The following CHN2 variants were observed in gnomAD, a reference collection of about 807,000 sequenced individuals.
CHN2 encodes the protein chimerin 2.
Under a neutral mutation model 56.3 loss-of-function variants are expected in CHN2, and 35 were observed. That is an observed-to-expected ratio of 0.62 (90% CI 0.47 to 0.82). The LOEUF (loss-of-function observed/expected upper bound fraction) is 0.82, where lower values mean the gene tolerates loss of function less well. Ranked by LOEUF, CHN2 falls within the 40% of genes least tolerant of loss-of-function variation. CHN2 has a pLI of 0.00. For synonymous variants in CHN2, 210 were observed against 212.8 expected (o/e 0.99, Z 0.12); for missense variants, 491 against 580.5 (o/e 0.85, Z 1.58).
intron 1 of CHN2, among the ~76,000 whole-genome samples, chr7:29,331,292 G>C (rs1318929681): frequency 6.6e-6 from 1 of 152,190 alleles, no homozygotes; most frequent in African/African-American, 2.4e-5. Context: ...AGAACTAAGA[G>C]AGTCTGAAGC....
At chr7:29,184,853 G>C (rs1395261919) in intron 2 of CHN2, among the ~76,000 whole-genome samples, 1 of 152,214 alleles carries the variant, frequency 6.6e-6, no homozygotes, top group African/African-American at 2.4e-5. Context: ...CATTGTGGTT[G>C]ACTTAATTAT....
chr7:29,490,680 A>T (rs899593791), intron 7 of CHN2, among the ~76,000 whole-genome samples: 5 of 152,216 alleles, frequency 3.3e-5, no homozygotes, highest in African/African-American at 4.8e-5. Context: ...AAGTATCCAT[A>T]TATGTGTGAT....
At chr7:29,428,604 G>A (rs1489609586) in intron 6 of CHN2, among the ~76,000 whole-genome samples, 1 of 152,108 alleles carries the variant, frequency 6.6e-6, no homozygotes, top group Non-Finnish European at 1.5e-5. Flanking sequence ...GTGAAATATA[G>A]GACCAGATGT....
chr7:29,240,055 C>T (rs993840054), intron 1 of CHN2, among the ~76,000 whole-genome samples: 18 of 152,224 alleles, frequency 1.2e-4, no homozygotes, highest in African/African-American at 4.1e-4. Context: ...GGCAGCCACC[C>T]TTTTACCAAT....
chr7:29,427,087 G>A (rs967419048), intron 6 of CHN2, among the ~76,000 whole-genome samples: 6 of 152,222 alleles, frequency 3.9e-5, no homozygotes, highest in Non-Finnish European at 8.8e-5. Flanking sequence ...GGAAGCCAAG[G>A]TGGGTGGATC....
intron 2 of CHN2, among the ~76,000 whole-genome samples, chr7:29,355,905 T>A (rs577418747): frequency 7.0e-6 from 1 of 142,440 alleles, no homozygotes; most frequent in South Asian, 2.4e-4. Flanking sequence ...CCCCTCAGCC[T>A]CCCAAGTACC....
intron 1 of CHN2, among the ~76,000 whole-genome samples, chr7:29,340,634 G>C (rs1238090148): frequency 6.6e-6 from 1 of 152,192 alleles, no homozygotes; most frequent in East Asian, 1.9e-4. Context: ...CTACGGGCTG[G>C]CACAAAGCCA....
rs557256570 is a variant in CHN2 at position 29,343,568 on chromosome 7, C to T, written c.50-11057C>T. 1.6e-3 allele frequency among the ~76,000 whole-genome samples: 249 copies of T among 152,312 alleles called. 1 individual carries two copies. The highest frequency in any genetic ancestry group is 2.5e-3 in the Non-Finnish European group (170 of 68,038). The stretch of plus-strand genomic sequence containing the variant: ...CATGTTGCTGCAGCAACAGCTCTCT[C>T]CATGTGTATCTCACTGGAGCAGCTG... On this transcript the variant is annotated intron_variant, in intron 1 of 12. Coordinates refer to ENST00000222792, the MANE Select transcript of CHN2 (RefSeq NM_004067.4).
intron 3 of CHN2, among the ~76,000 whole-genome samples, chr7:29,384,158 A>G (rs1402503421): frequency 6.6e-6 from 1 of 152,152 alleles, no homozygotes; most frequent in Non-Finnish European, 1.5e-5. Flanking sequence ...GATGAGTACT[A>G]ATCAGTCTAC....
chr7:29,432,594 G>A lies in CHN2; in HGVS notation c.576+31766G>A, dbSNP rs1219380338. Among the ~76,000 whole-genome samples, 4 of 152,156 alleles carry A rather than the reference G, an allele frequency of 2.6e-5. No individual in the cohort carries two copies. The South Asian group carries it at 6.2e-4, about 24-fold the overall frequency. ...TACAATGGAAGTGTGGGTATGTGCT[G>A]GAAGGAATCAACATCATTAGTAAAT... On this transcript the variant is annotated intron_variant, in intron 6 of 12. Transcript: ENST00000222792.
chr7:29,468,914 C>G (rs1434604687), intron 6 of CHN2, among the ~76,000 whole-genome samples: 1 of 152,142 alleles, frequency 6.6e-6, no homozygotes, highest in African/African-American at 2.4e-5. Flanking sequence ...TGCACTAACT[C>G]TCTTCCTCTA....
chr7:29,252,209 T>TTA (rs1554377793), intron 1 of CHN2, among the ~76,000 whole-genome samples: 9 of 150,198 alleles, frequency 6.0e-5, no homozygotes, highest in African/African-American at 1.5e-4. Context: ...TTTTTTTTTT[T>TTA]AGACAGTCTT....
chr7:29,250,217 C>G (rs1162019952), intron 1 of CHN2, among the ~76,000 whole-genome samples: 1 of 152,208 alleles, frequency 6.6e-6, no homozygotes, highest in Non-Finnish European at 1.5e-5. Flanking sequence ...ACAGCACCAC[C>G]TTTATCAATA....
At chr7:29,496,253 A>C (rs1789270727) in intron 8 of CHN2, among the ~76,000 whole-genome samples, 1 of 152,028 alleles carries the variant, frequency 6.6e-6, no homozygotes, top group Non-Finnish European at 1.5e-5. Context: ...GAAAAAAAAA[A>C]ACAAAAAGTA....
intron 1 of CHN2, among the ~76,000 whole-genome samples, chr7:29,241,389 A>G (rs1787669087): frequency 6.6e-6 from 1 of 152,098 alleles, no homozygotes; most frequent in Non-Finnish European, 1.5e-5. Flanking sequence ...GTTTCCACAT[A>G]GAAAGAGTGG....
exon 1 of CHN2, chr7:29,146,621 G>T (rs971298662): frequency 1.9e-6 from 3 of 1,550,432 alleles, no homozygotes; most frequent in African/African-American, 2.7e-5. Context: ...GCGTCGTCGT[G>T]TCCCAACCTC....
chr7:29,257,009 T>C (rs1789133456), intron 1 of CHN2, among the ~76,000 whole-genome samples: 1 of 152,148 alleles, frequency 6.6e-6, no homozygotes, highest in South Asian at 2.1e-4. Context: ...AGTAAGGCAA[T>C]AGATTTCCTT....
chr7:29,459,687 C>T (rs1785010501), intron 6 of CHN2, among the ~76,000 whole-genome samples: 1 of 152,200 alleles, frequency 6.6e-6, no homozygotes, highest in Non-Finnish European at 1.5e-5. Context: ...CGACAGCCAC[C>T]TTCACCGCAG....
intron 1 of CHN2, among the ~76,000 whole-genome samples, chr7:29,248,646 T>C (rs1464605888): frequency 1.3e-5 from 2 of 152,184 alleles, no homozygotes; most frequent in Non-Finnish European, 2.9e-5. Context: ...AAGGCCTCAG[T>C]CTTCTCTGCC....
Sources: allele counts gnomAD v4.1 joint callset (sites outside exome capture counted in the v4.1 genomes callset), GRCh38; gene constraint gnomAD v4.1.1; transcripts MANE v1.5; gene names NCBI Gene and HGNC (gene_info 2026-07-23, HGNC 2026-07-21).